The following MORC3 variants were observed in gnomAD, a reference collection of about 807,000 sequenced individuals.
MORC3 encodes the protein MORC family CW-type zinc finger 3.
In MORC3, 31 loss-of-function variants were observed where a neutral mutation model predicts 109.1. The observed-to-expected ratio is 0.28, with a 90% CI of 0.21 to 0.38. MORC3 has a LOEUF of 0.38. Among genes scored for constraint, MORC3 ranks in the 10% least tolerant of loss-of-function variants. The pLI is 1.00. For synonymous variants in MORC3, 395 were observed against 380.7 expected (o/e 1.04, Z -0.44); for missense variants, 867 against 1,135.8 (o/e 0.76, Z 3.40).
At chr21:36,356,411 A>C (rs979548163) in intron 9 of MORC3, among the ~76,000 whole-genome samples, 1 of 152,154 alleles carries the variant, frequency 6.6e-6, no homozygotes, top group South Asian at 2.1e-4. Flanking sequence ...ATAACTCTCT[A>C]AAAAATTTTC....
rs1211263101 is a variant in MORC3 at position 36,347,778 on chromosome 21, CAT to C, written c.1006-1532_1006-1531del. The C allele has an allele frequency of 3.9e-5, 6 of 152,288 alleles. No individual in the cohort carries two copies. The South Asian group carries it at 1.2e-3, about 32-fold the overall frequency. 9.4% of individuals were successfully genotyped at this position (152,288 alleles called of 1,614,324 possible). On this transcript the variant is annotated intron_variant, in intron 8 of 16. Coordinates refer to ENST00000400485, the MANE Select transcript of MORC3 (RefSeq NM_015358.3). ...GGAAGGGCTTTCCAGGCAGAGACAACATGTGCAAAGGCAGAGAAAGAGGCTTC... is the reference window on the plus strand; with the variant it reads ...GGAAGGGCTTTCCAGGCAGAGACAACGTGCAAAGGCAGAGAAAGAGGCTTC...
At chr21:36,346,332 T>C (rs1215664213) in intron 8 of MORC3, among the ~76,000 whole-genome samples, 4 of 152,212 alleles carry the variant, frequency 2.6e-5, no homozygotes. Flanking sequence ...TATATTAATT[T>C]TGTATTTGAT....
chr21:36,339,005 A>G (rs2085405786), intron 5 of MORC3, 84 bp downstream of exon 5: 2 of 1,441,934 alleles, frequency 1.4e-6, no homozygotes, highest in African/African-American at 1.4e-5. Context: ...CTCGTTACAC[A>G]CAGTAGAAAT....
chr21:36,362,435 C>T (rs919358842), intron 13 of MORC3, among the ~76,000 whole-genome samples: 4 of 151,688 alleles, frequency 2.6e-5, no homozygotes, highest in Non-Finnish European at 4.4e-5. Context: ...CCCAGCTACT[C>T]GGGAGGCTGA....
At chr21:36,374,070 A>T (rs992673730) in intron 16 of MORC3, among the ~76,000 whole-genome samples, 33 of 152,174 alleles carry the variant, frequency 2.2e-4, no homozygotes, top group African/African-American at 7.7e-4. Flanking sequence ...TAATAGGATC[A>T]GAGCAGTCCT....
intron 14 of MORC3, among the ~76,000 whole-genome samples, chr21:36,365,060 A>AAC (rs1412352581): frequency 6.6e-6 from 1 of 151,674 alleles, no homozygotes; most frequent in Non-Finnish European, 1.5e-5. Flanking sequence ...TCAAAAAAAA[A>AAC]AAAAAAAAAA....
chr21:36,366,401 A>G (rs546274035), intron 14 of MORC3, among the ~76,000 whole-genome samples: 7 of 152,264 alleles, frequency 4.6e-5, no homozygotes, highest in African/African-American at 7.2e-5. Context: ...AAAATTTTTT[A>G]AAAGTTGGCC....
rs575081245 is a variant in MORC3, at chr21:36,335,618, A to G, written c.113-1256A>G. Among the ~76,000 whole-genome samples, 10 of 152,148 alleles carry G rather than the reference A, an allele frequency of 6.6e-5. No homozygotes were observed. The East Asian group carries it at 7.7e-4, about 12-fold the overall frequency. On this transcript the variant is annotated intron_variant, in intron 2 of 16. Coordinates refer to ENST00000400485, the MANE Select transcript of MORC3 (RefSeq NM_015358.3). Reference sequence around the variant, plus strand: ...GGCATGAGCCGCTGCGCCCAGCCCTATTTTTCATTTTTAAACGTATTTCTT... The same window carrying G: ...GGCATGAGCCGCTGCGCCCAGCCCTGTTTTTCATTTTTAAACGTATTTCTT...
chr21:36,352,385 C>CA (rs1212546560), intron 9 of MORC3, among the ~76,000 whole-genome samples: 199 of 79,336 alleles, frequency 2.5e-3, no homozygotes, highest in Non-Finnish European at 3.6e-3. Context: ...GTAATAAGGC[C>CA]AAAAAAAAGG....
intron 1 of MORC3, among the ~76,000 whole-genome samples, chr21:36,331,066 GA>G (rs2085309468): frequency 6.6e-6 from 1 of 152,246 alleles, no homozygotes; most frequent in Non-Finnish European, 1.5e-5. Context: ...GAATTGTCCA[GA>G]AGCAAGTGTG....
chr21:36,335,341 A>C (rs1170314918), intron 2 of MORC3, among the ~76,000 whole-genome samples: 1 of 137,736 alleles, frequency 7.3e-6, no homozygotes, highest in Non-Finnish European at 1.5e-5. Flanking sequence ...TTTGAGGCAG[A>C]GTCTCGCTCT....
intron 7 of MORC3, 99 bp from the exon 8 acceptor site, chr21:36,344,813 C>A: frequency 6.3e-7 from 1 of 1,593,360 alleles, no homozygotes; most frequent in Non-Finnish European, 8.6e-7. Flanking sequence ...CTAGCTTTGC[C>A]CTCCTTTGTG....
chr21:36,341,547 G>A lies in MORC3; in HGVS notation c.756+1G>A. 6.2e-7 allele frequency: 1 copy of A among 1,613,880 alleles called. No individual in the cohort carries two copies. The highest frequency in any genetic ancestry group is 8.5e-7 in the Non-Finnish European group (1 of 1,179,992). ...CCCTGAGAGTGACTATTCCCTGAGG[G>A]TATGTATTCAGCTCTCTTTGTGGAA... On this transcript the variant is annotated splice_donor_variant, in intron 6 of 16. Transcript: ENST00000400485. LOFTEE classifies it high-confidence loss of function.
intron 1 of MORC3, among the ~76,000 whole-genome samples, chr21:36,326,292 G>A (rs1204873665): frequency 6.6e-6 from 1 of 152,058 alleles, no homozygotes; most frequent in Non-Finnish European, 1.5e-5. Context: ...GGGAGGCTAA[G>A]GCGGGCAGAT....
At chr21:36,341,318 CT>C (rs1159389940) in intron 5 of MORC3, 80 bp from the exon 6 acceptor site, 2 of 1,346,662 alleles carry the variant, frequency 1.5e-6, no homozygotes, top group Non-Finnish European at 2.0e-6. Flanking sequence ...ATTTGCTTAC[CT>C]TTTTAATGAC....
rs1431476200 is a variant in MORC3 at position 36,369,619 on chromosome 21, GA to G, written c.2252del (p.Asp751ValfsTer30). ...KETCHQSTET[D>X]AVFLLESING... Reference sequence around the variant, plus strand: ...AACTTGCCATCAGTCCACTGAAACCGATGCTGTATTTTTACTTGAAAGTATT... The same window carrying G: ...AACTTGCCATCAGTCCACTGAAACCGTGCTGTATTTTTACTTGAAAGTATT... On this transcript the variant is annotated frameshift_variant, in exon 15 of 17. Coordinates refer to ENST00000400485, the MANE Select transcript of MORC3 (RefSeq NM_015358.3). LOFTEE classifies it high-confidence loss of function. 1 of 1,614,176 alleles carries G rather than the reference GA, an allele frequency of 6.2e-7. No individual in the cohort carries two copies. Among genetic ancestry groups the G allele is most frequent in the Non-Finnish European group, 8.5e-7 (1 of 1,180,040 alleles).
chr21:36,375,231 G>C lies in MORC3; in HGVS notation c.2755G>C (p.Val919Leu). Residue 919 changes from valine (V) to leucine (L), a missense_variant, in exon 17 of 17, where the codon GTT becomes CTT. This residue lies in a region of MORC3 where 34 missense variants were observed against 35.2 expected (regional missense o/e 0.97). Coordinates refer to ENST00000400485, the MANE Select transcript of MORC3 (RefSeq NM_015358.3). ...DLDLQQVNYDVDVVDEILGQV... is the reference protein window; with the variant it reads ...DLDLQQVNYDLDVVDEILGQV... ...TGATCTTCAGCAAGTGAATTACGAT[G>C]TTGATGTAGTTGATGAGATTTTAGG... 1 of 1,613,814 alleles carries C rather than the reference G, an allele frequency of 6.2e-7. No individual in the cohort carries two copies. The highest frequency in any genetic ancestry group is 8.5e-7 in the Non-Finnish European group (1 of 1,179,752).
intron 5 of MORC3, among the ~76,000 whole-genome samples, chr21:36,340,852 G>A (rs1368339497): frequency 6.6e-6 from 1 of 152,050 alleles, no homozygotes; most frequent in Non-Finnish European, 1.5e-5. Flanking sequence ...GACCAGGCTG[G>A]TCTTGAACTT....
intron 6 of MORC3, 36 bp from the exon 7 acceptor site, chr21:36,344,543 C>A (rs959292889): frequency 6.2e-7 from 1 of 1,602,244 alleles, no homozygotes; most frequent in African/African-American, 1.3e-5. Context: ...GTGAGCAAAC[C>A]TGTAGATACT....
Sources: allele counts gnomAD v4.1 joint callset (sites outside exome capture counted in the v4.1 genomes callset), GRCh38; gene constraint gnomAD v4.1.1; regional missense constraint gnomAD v4.1.1; transcripts MANE v1.5; gene names NCBI Gene and HGNC (gene_info 2026-07-23, HGNC 2026-07-21).